Variants in RBFOX1 observed in about 807,000 individuals in gnomAD.
RBFOX1 encodes RNA binding fox-1 homolog 1.
Under a neutral mutation model 57.7 loss-of-function variants are expected in RBFOX1, and 8 were observed. The ratio of observed to expected loss-of-function variants is 0.14; its 90% CI spans 0.08 to 0.25. RBFOX1 has a LOEUF of 0.25. RBFOX1 is among the 10% of genes least tolerant of loss of function. RBFOX1 has a pLI of 1.00. For synonymous variants in RBFOX1, 326 were observed against 222.4 expected (o/e 1.47, Z -4.15); for missense variants, 611 against 548.5 (o/e 1.11, Z -1.14).
chr16:7,228,102 T>C (rs983679022), intron 4 of RBFOX1, among the ~76,000 whole-genome samples: 2 of 152,110 alleles, frequency 1.3e-5, no homozygotes, highest in Non-Finnish European at 2.9e-5. Flanking sequence ...TGGTTAAGAA[T>C]CACTATCTTA....
At chr16:6,322,967 T>G (rs1398912019) in intron 2 of RBFOX1, among the ~76,000 whole-genome samples, 2 of 152,142 alleles carry the variant, frequency 1.3e-5, no homozygotes, top group Non-Finnish European at 2.9e-5. Flanking sequence ...CACACTGTTG[T>G]TTACATTTCC....
At chr16:5,488,842 G>C (rs1157625335) in intron 2 of RBFOX1, among the ~76,000 whole-genome samples, 1 of 152,064 alleles carries the variant, frequency 6.6e-6, no homozygotes, top group Non-Finnish European at 1.5e-5. Context: ...TGCTGGTGGG[G>C]TGTGATGGTG....
intron 4 of RBFOX1, among the ~76,000 whole-genome samples, chr16:7,256,155 T>C (rs1007553461): frequency 4.6e-5 from 7 of 152,336 alleles, no homozygotes; most frequent in Non-Finnish European, 8.8e-5. Context: ...AGAATGTAAA[T>C]CCGTGACCTA....
rs558442233 is a variant in RBFOX1 at position 7,700,460 on chromosome 16, C to T, written c.996-8596C>T. Among the ~76,000 whole-genome samples, 5 of 152,304 alleles carry T rather than the reference C, an allele frequency of 3.3e-5. No homozygotes were observed. In the South Asian group the frequency reaches 8.3e-4, roughly 25 times the overall value. On this transcript the variant is annotated intron_variant, in intron 14 of 15. Transcript: ENST00000550418. Reference sequence around the variant, plus strand: ...ATTCTGACTGAGGGATCCCCAGCTGCTGTTCAACCCTGCTTCATGGAAGGG... The same window carrying T: ...ATTCTGACTGAGGGATCCCCAGCTGTTGTTCAACCCTGCTTCATGGAAGGG...
intron 4 of RBFOX1, among the ~76,000 whole-genome samples, chr16:7,061,310 G>C (rs1248095460): frequency 1.3e-5 from 2 of 152,148 alleles, no homozygotes; most frequent in Non-Finnish European, 2.9e-5. Context: ...TCCATACAGA[G>C]CTTGTATGTT....
intron 1 of RBFOX1, among the ~76,000 whole-genome samples, chr16:6,024,511 C>T (rs765593558): frequency 6.6e-6 from 1 of 151,952 alleles, no homozygotes; most frequent in African/African-American, 2.4e-5. Flanking sequence ...TTTTTTGAAA[C>T]AGAGCCTCAC....
intron 2 of RBFOX1, among the ~76,000 whole-genome samples, chr16:6,575,365 G>C (rs185241788): frequency 1.3e-4 from 20 of 152,088 alleles, no homozygotes; most frequent in African/African-American, 4.8e-4. Context: ...ATTGTCTATA[G>C]ATTGCTGGAA....
At chr16:6,959,107 C>A (rs891372960) in intron 3 of RBFOX1, among the ~76,000 whole-genome samples, 1 of 152,002 alleles carries the variant, frequency 6.6e-6, no homozygotes, top group East Asian at 1.9e-4. Flanking sequence ...TTTTTTCTAT[C>A]GGCTTTGTCT....
intron 3 of RBFOX1, among the ~76,000 whole-genome samples, chr16:6,746,468 G>C (rs1417054538): frequency 6.6e-6 from 1 of 152,078 alleles, no homozygotes; most frequent in Admixed American, 6.6e-5. Context: ...CTTGAGCCCA[G>C]GTGTTCAAGA....
At chr16:7,250,577 A>G (rs2094466904) in intron 4 of RBFOX1, among the ~76,000 whole-genome samples, 1 of 152,234 alleles carries the variant, frequency 6.6e-6, no homozygotes, top group Non-Finnish European at 1.5e-5. Flanking sequence ...GCAAAGACTA[A>G]GAGTATATAC....
rs1431142224 is a variant in RBFOX1 at position 5,598,877 on chromosome 16, T to C, written c.259-25T>C. On this transcript the variant is annotated intron_variant, in intron 2 of 2. Coordinates refer to the RBFOX1 transcript ENST00000585867. Reference sequence around the variant, plus strand: ...CTCAACCCGGCTTCCCCAACCTTTTTCTCTATTTGTTTGTTTTTTGCCAGG... The same window carrying C: ...CTCAACCCGGCTTCCCCAACCTTTTCCTCTATTTGTTTGTTTTTTGCCAGG... The C allele has an allele frequency of 2.6e-5, 38 of 1,475,650 alleles. No individual in the cohort carries two copies. In the Middle Eastern group the frequency reaches 5.3e-4, roughly 20 times the overall value. 91.4% of individuals were successfully genotyped at this position (1,475,650 alleles called of 1,614,324 possible).
rs142846853 is a variant in RBFOX1 at position 6,243,575 on chromosome 16, C to G, written c.-126-73420C>G. Among the ~76,000 whole-genome samples, 1,444 of 152,272 alleles carry G rather than the reference C, an allele frequency of 9.5e-3. 19 individuals carry two copies. The highest frequency in any genetic ancestry group is 0.031 in the African/African-American group (1,270 of 41,558). On this transcript the variant is annotated intron_variant, in intron 1 of 15. Transcript: ENST00000550418. ...TCAGCAAGAAGCAGGGTATCATGTC[C>G]TCTAATCATGGTCCGTATAGACTCG...
chr16:5,907,022 C>G (rs1041676170), intron 4 of RBFOX1, among the ~76,000 whole-genome samples: 1 of 152,080 alleles, frequency 6.6e-6, no homozygotes, highest in African/African-American at 2.4e-5. Context: ...CAGGCATGAG[C>G]CACTGTGCCC....
chr16:6,697,673 G>A (rs781037392), intron 3 of RBFOX1, among the ~76,000 whole-genome samples: 1 of 152,130 alleles, frequency 6.6e-6, no homozygotes, highest in Non-Finnish European at 1.5e-5. Context: ...AAAAGGGGAA[G>A]AAAACCCCAT....
At chr16:7,328,245 G>C (rs985809925) in intron 4 of RBFOX1, among the ~76,000 whole-genome samples, 1 of 152,090 alleles carries the variant, frequency 6.6e-6, no homozygotes, top group Non-Finnish European at 1.5e-5. Flanking sequence ...ACTTTGGGAG[G>C]CTGCGGCAGG....
chr16:5,879,705 A>G (rs2057714957), intron 4 of RBFOX1, among the ~76,000 whole-genome samples: 2 of 152,308 alleles, frequency 1.3e-5, no homozygotes, highest in Admixed American at 6.5e-5. Context: ...TGAAATCTCA[A>G]TGGCCTACCC....
At chr16:5,926,522 A>T (rs577266130) in intron 4 of RBFOX1, among the ~76,000 whole-genome samples, 3 of 152,154 alleles carry the variant, frequency 2.0e-5, no homozygotes, top group East Asian at 1.9e-4. Context: ...TCCCATGCCA[A>T]TGTGACTGTA....
At chr16:6,214,268 G>A (rs540961816) in intron 1 of RBFOX1, among the ~76,000 whole-genome samples, 26 of 152,134 alleles carry the variant, frequency 1.7e-4, no homozygotes, top group Admixed American at 2.6e-4. Context: ...TAATATGCTA[G>A]TATGCATTAG....
At chr16:5,848,784 TA>T (rs1017348561) in intron 3 of RBFOX1, among the ~76,000 whole-genome samples, 2 of 151,614 alleles carry the variant, frequency 1.3e-5, no homozygotes, top group African/African-American at 4.8e-5. Flanking sequence ...CCGTCTCTAA[TA>T]AAAAAATACA....
Sources: allele counts gnomAD v4.1 joint callset (sites outside exome capture counted in the v4.1 genomes callset), GRCh38; gene constraint gnomAD v4.1.1; transcripts MANE v1.5; gene names NCBI Gene and HGNC (gene_info 2026-07-23, HGNC 2026-07-21).